The following TBC1D23 variants were observed in gnomAD, a reference collection of about 807,000 sequenced individuals.
The protein encoded by TBC1D23 is TBC1 domain family member 23, also known as HCV non-structural protein 4A-transactivated protein 1.
In TBC1D23, 55 loss-of-function variants were observed where a neutral mutation model predicts 91.4. The observed-to-expected ratio is 0.60, with a 90% CI of 0.48 to 0.75. TBC1D23 has a LOEUF of 0.75. TBC1D23 is among the 30% of genes least tolerant of loss of function. The pLI, the probability that TBC1D23 is intolerant of heterozygous loss-of-function variation, is 0.00. For synonymous variants in TBC1D23, 289 were observed against 281.0 expected (o/e 1.03, Z -0.28); for missense variants, 725 against 836.1 (o/e 0.87, Z 1.64).
intron 15 of TBC1D23, among the ~76,000 whole-genome samples, chr3:100,313,854 T>A (rs1229257903): frequency 6.6e-6 from 1 of 152,128 alleles, no homozygotes; most frequent in African/African-American, 2.4e-5. Flanking sequence ...CCAAATTATA[T>A]CATTTTCTAT....
chr3:100,281,178 T>G (rs953711924), intron 2 of TBC1D23, among the ~76,000 whole-genome samples: 11 of 152,050 alleles, frequency 7.2e-5, no homozygotes, highest in African/African-American at 2.4e-4. Flanking sequence ...TAAAAAAGAC[T>G]GGTAATTCCT....
In TBC1D23 at chr3:100,319,179, A is replaced by C; in HGVS notation, c.1798A>C (p.Lys600Gln). ...ACATCATTTTCCTTGTAAAGAAGTA[A>C]AAGAAAGTGGACACATGTTTCCCAG... ...VKHHFPCKEV[K>Q]ESGHMFPSHL... Residue 600 changes from lysine (K) to glutamine (Q), a missense_variant, in exon 17 of 19, where the codon AAA becomes CAA. Physicochemically the swap from Lys to Gln is moderately conservative, Grantham distance 53 (BLOSUM62 1). Transcript: ENST00000394144. The C allele has an allele frequency of 6.2e-7, 1 of 1,608,716 alleles. No individual in the cohort carries two copies. Among genetic ancestry groups the C allele is most frequent in the Non-Finnish European group, 8.5e-7 (1 of 1,178,362 alleles).
intron 5 of TBC1D23, among the ~76,000 whole-genome samples, chr3:100,291,212 G>A (rs2067787153): frequency 6.6e-6 from 1 of 152,044 alleles, no homozygotes; most frequent in Non-Finnish European, 1.5e-5. Flanking sequence ...TAGGTCAGTG[G>A]TCCTTAAACC....
intron 12 of TBC1D23, among the ~76,000 whole-genome samples, 161 bp downstream of exon 12, chr3:100,305,049 A>C (rs1705494251): frequency 6.6e-6 from 1 of 152,158 alleles, no homozygotes; most frequent in Non-Finnish European, 1.5e-5. Context: ...TACAGATAAC[A>C]GACAAACGTA....
In TBC1D23 at chr3:100,318,067, A is replaced by C. The variant is rs568424480; in HGVS notation, c.1688-1002A>C. On this transcript the variant is annotated intron_variant, in intron 16 of 18. Coordinates refer to ENST00000394144, the MANE Select transcript of TBC1D23 (RefSeq NM_001199198.3). Reference sequence around the variant, plus strand: ...ATGGAACTGATAACACCAAATTCAGATAATTAGTATTTCTTGGTGGGGAAG... The same window carrying C: ...ATGGAACTGATAACACCAAATTCAGCTAATTAGTATTTCTTGGTGGGGAAG... Among the ~76,000 whole-genome samples, 7 of 152,252 alleles carry C rather than the reference A, an allele frequency of 4.6e-5. No homozygotes were observed. The South Asian group carries it at 1.5e-3, about 32-fold the overall frequency.
At chr3:100,310,675 A>C (rs1054090901) in intron 14 of TBC1D23, 133 bp downstream of exon 14, 1 of 665,730 alleles carries the variant, frequency 1.5e-6, no homozygotes, top group Admixed American at 3.7e-5. Context: ...CTATTAGATG[A>C]TTTCATAGTT....
At chr3:100,274,953 C>T (rs1439915043) in intron 1 of TBC1D23, among the ~76,000 whole-genome samples, 2 of 144,236 alleles carry the variant, frequency 1.4e-5, no homozygotes, top group African/African-American at 5.0e-5. Flanking sequence ...GGGTTGCATT[C>T]ACCTTTGGGC....
intron 16 of TBC1D23, 97 bp downstream of exon 16, chr3:100,316,284 A>C: frequency 2.4e-6 from 2 of 845,950 alleles, no homozygotes; most frequent in South Asian, 2.9e-5. Flanking sequence ...TTTTTAAAAA[A>C]ATGAGATTCT....
chr3:100,292,397 A>G (rs1212030398), intron 5 of TBC1D23, among the ~76,000 whole-genome samples: 1 of 152,174 alleles, frequency 6.6e-6, no homozygotes, highest in Non-Finnish European at 1.5e-5. Context: ...TAACTGTGTG[A>G]TCTAAGACAG....
chr3:100,283,520 G>A (rs1188445350), intron 3 of TBC1D23, 87 bp from the exon 4 acceptor site: 5 of 771,942 alleles, frequency 6.5e-6, no homozygotes, highest in Non-Finnish European at 1.1e-5. Context: ...CACTAACATA[G>A]TATTATATAT....
intron 15 of TBC1D23, among the ~76,000 whole-genome samples, chr3:100,313,089 G>A (rs1331211868): frequency 6.6e-6 from 1 of 151,800 alleles, no homozygotes; most frequent in Non-Finnish European, 1.5e-5. Flanking sequence ...GATTTATTGT[G>A]ACTATGCCTA....
intron 14 of TBC1D23, 89 bp from the exon 15 acceptor site, chr3:100,311,744 A>T: frequency 1.1e-6 from 1 of 906,578 alleles, no homozygotes; most frequent in Non-Finnish European, 1.7e-6. Flanking sequence ...TGGGTGAGAA[A>T]AACTAAACTG....
At chr3:100,310,660 A>G in intron 14 of TBC1D23, 118 bp downstream of exon 14, 1 of 729,784 alleles carries the variant, frequency 1.4e-6, no homozygotes, top group Non-Finnish European at 2.1e-6. Flanking sequence ...TATAAAGTAT[A>G]TTTTCTATTA....
At chr3:100,278,812 G>A (rs2067671587) in intron 1 of TBC1D23, among the ~76,000 whole-genome samples, 1 of 152,134 alleles carries the variant, frequency 6.6e-6, no homozygotes, top group South Asian at 2.1e-4. Context: ...AAACATCGTA[G>A]ACTGAACAAA....
chr3:100,296,322 C>G, intron 8 of TBC1D23, 47 bp downstream of exon 8: 2 of 1,082,306 alleles, frequency 1.8e-6, no homozygotes, highest in South Asian at 2.8e-5. Context: ...ATATTTTGTA[C>G]ATTGTTTTAT....
At chr3:100,318,120 C>T (rs184993182) in intron 16 of TBC1D23, among the ~76,000 whole-genome samples, 45 of 151,948 alleles carry the variant, frequency 3.0e-4, no homozygotes, top group African/African-American at 1.1e-3. Context: ...GGAGGAGATA[C>T]ATGAGAGTTT....
intron 1 of TBC1D23, among the ~76,000 whole-genome samples, chr3:100,275,066 A>G (rs981519475): frequency 6.6e-6 from 1 of 151,970 alleles, no homozygotes; most frequent in African/African-American, 2.4e-5. Context: ...GCTGAATTGT[A>G]TGAGACATGT....
chr3:100,307,783 A>T (rs781078558), intron 13 of TBC1D23, among the ~76,000 whole-genome samples: 2 of 152,324 alleles, frequency 1.3e-5, no homozygotes, highest in South Asian at 4.1e-4. Context: ...TAATTTATTC[A>T]GTTCTCTATT....
At chr3:100,298,374 A>G (rs1245019367) in intron 9 of TBC1D23, among the ~76,000 whole-genome samples, 1 of 152,226 alleles carries the variant, frequency 6.6e-6, no homozygotes, top group Non-Finnish European at 1.5e-5. Flanking sequence ...TTAGCATTTA[A>G]CAGTTTCTGG....
Sources: allele counts gnomAD v4.1 joint callset (sites outside exome capture counted in the v4.1 genomes callset), GRCh38; gene constraint gnomAD v4.1.1; transcripts MANE v1.5; gene names NCBI Gene and HGNC (gene_info 2026-07-23, HGNC 2026-07-21).